The following MIS18BP1 variants were observed in gnomAD, a reference collection of about 807,000 sequenced individuals.
MIS18BP1 encodes the protein mis18-binding protein 1.
In MIS18BP1, 72 loss-of-function variants were observed where a neutral mutation model predicts 116.1. The observed-to-expected ratio is 0.62, with a 90% CI of 0.51 to 0.75. The LOEUF (loss-of-function observed/expected upper bound fraction) is 0.75. Ranked by LOEUF, MIS18BP1 falls within the 30% of genes least tolerant of loss-of-function variation. The probability of loss-of-function intolerance (pLI) is 0.00; values close to 1 mark genes in which losing one functional copy is unlikely to be tolerated. For synonymous variants in MIS18BP1, 386 were observed against 427.0 expected (o/e 0.90, Z 1.18); for missense variants, 1,363 against 1,303.2 (o/e 1.05, Z -0.71).
chr14:45,253,116 C>A lies in MIS18BP1; in HGVS notation c.-173G>T, dbSNP rs1891927798. ...GGAGAGAGGGCCGCACGCCGCCGGG[C>A]TCGCGCCTCAGGCCCACGGTGTATC... On this transcript the variant is annotated 5_prime_UTR_variant, in exon 1 of 17. Transcript: ENST00000310806. The A allele has an allele frequency of 2.0e-5, 3 of 152,342 alleles. No homozygotes were observed. Among genetic ancestry groups the A allele is most frequent in the Admixed American group, 2.0e-4 (3 of 15,290 alleles). 9.4% of individuals were successfully genotyped at this position (152,342 alleles called of 1,614,324 possible). A position where few individuals can be genotyped will look rare whatever the true frequency, so the allele number is the denominator to read the frequency against.
chr14:45,227,586 T>G, intron 9 of MIS18BP1, 77 bp downstream of exon 9: 1 of 1,222,126 alleles, frequency 8.2e-7, no homozygotes, highest in East Asian at 2.5e-5. Flanking sequence ...GTCCCTGATA[T>G]GGTCCCAAAC....
At chr14:45,227,617 C>A in intron 9 of MIS18BP1, 46 bp downstream of exon 9, 1 of 1,532,760 alleles carries the variant, frequency 6.5e-7, no homozygotes. Context: ...GTAAATCACC[C>A]TTCTAAATAT....
At chr14:45,245,788 C>A (rs1191796869) in intron 2 of MIS18BP1, among the ~76,000 whole-genome samples, 1 of 152,162 alleles carries the variant, frequency 6.6e-6, no homozygotes, top group Non-Finnish European at 1.5e-5. Flanking sequence ...TTTAAAATAC[C>A]ATTTAGGTGC....
intron 11 of MIS18BP1, 129 bp downstream of exon 11, chr14:45,223,789 T>C (rs1891040629): frequency 1.5e-6 from 1 of 683,280 alleles, no homozygotes; most frequent in Non-Finnish European, 2.3e-6. Flanking sequence ...CTCCATTCCC[T>C]GTGCAAATTA....
intron 1 of MIS18BP1, 148 bp downstream of exon 1, chr14:45,252,887 G>C (rs997025094): frequency 6.6e-6 from 1 of 152,056 alleles, no homozygotes; most frequent in Non-Finnish European, 1.5e-5. Context: ...AGTAAACATC[G>C]AGTGCGAAGT....
chr14:45,252,469 TA>T (rs1197637707), intron 1 of MIS18BP1, among the ~76,000 whole-genome samples: 1 of 152,222 alleles, frequency 6.6e-6, no homozygotes, highest in Non-Finnish European at 1.5e-5. Context: ...AACCAAATTG[TA>T]AACAGTGTTT....
At chr14:45,205,127 AGAGT>A (rs770983808) in intron 15 of MIS18BP1, among the ~76,000 whole-genome samples, 2 of 152,168 alleles carry the variant, frequency 1.3e-5, no homozygotes, top group African/African-American at 2.4e-5. Flanking sequence ...AGTAGCCCTT[AGAGT>A]AAGTACTGTT....
intron 8 of MIS18BP1, among the ~76,000 whole-genome samples, chr14:45,230,583 G>A (rs763548610): frequency 6.6e-6 from 1 of 152,156 alleles, no homozygotes; most frequent in Non-Finnish European, 1.5e-5. Flanking sequence ...TTGTTTACCA[G>A]TGTTCTTTGG....
chr14:45,214,887 G>C (rs1890773581), intron 13 of MIS18BP1, among the ~76,000 whole-genome samples: 1 of 152,160 alleles, frequency 6.6e-6, no homozygotes, highest in Admixed American at 6.5e-5. Context: ...CAGTAGCTGG[G>C]ATTACAGGTG....
chr14:45,252,527 T>C (rs1891905294), intron 1 of MIS18BP1, among the ~76,000 whole-genome samples: 1 of 152,200 alleles, frequency 6.6e-6, no homozygotes, highest in Admixed American at 6.5e-5. Flanking sequence ...CTTGAACTCC[T>C]GAGCTCAAAA....
intron 4 of MIS18BP1, among the ~76,000 whole-genome samples, chr14:45,239,620 T>G (rs1482722722): frequency 6.6e-6 from 1 of 152,116 alleles, no homozygotes; most frequent in Non-Finnish European, 1.5e-5. Context: ...AGATGACAAG[T>G]TACTGGGGAT....
chr14:45,245,534 T>C (rs1458475609), intron 2 of MIS18BP1, among the ~76,000 whole-genome samples: 2 of 152,110 alleles, frequency 1.3e-5, no homozygotes, highest in East Asian at 3.8e-4. Context: ...CCAGCTAATT[T>C]TGTATTTTTA....
At position 45,244,517 on chromosome 14, in the gene MIS18BP1, T is replaced by C. The variant is rs150808411; in HGVS notation, c.545-1643A>G. Among the ~76,000 whole-genome samples the C allele has an allele frequency of 4.2e-4, 64 of 152,274 alleles. No individual in the cohort carries two copies. In the East Asian group the frequency reaches 0.011, roughly 27 times the overall value. On this transcript the variant is annotated intron_variant, in intron 2 of 16. Transcript: ENST00000310806. ...ACACACACCCTCCTTTGTCCTTCTG[T>C]CACTTCATTCTATTTGGCAAAATTA...
In MIS18BP1 at chr14:45,242,774, G is replaced by A; in HGVS notation, c.645C>T (p.His215=). ...QCQQEKKAPL[H]NLTYELPTLN... is the part of the protein sequence containing the mutation. ...AAAATAGTTTACCGTAAGTTAAATT[G>A]TGCAGTGGTGCTTTCTTTTCCTGCT... The change falls in exon 3 of 17, where the codon CAC becomes CAT. Residue 215 remains histidine, a synonymous_variant. Transcript: ENST00000310806. 9 of 1,608,900 alleles carry A rather than the reference G, an allele frequency of 5.6e-6. No individual in the cohort carries two copies. Among genetic ancestry groups the A allele is most frequent in the Non-Finnish European group, 7.6e-6 (9 of 1,177,460 alleles).
chr14:45,213,645 C>G (rs1010956583), intron 13 of MIS18BP1, among the ~76,000 whole-genome samples: 2 of 152,138 alleles, frequency 1.3e-5, no homozygotes, highest in African/African-American at 4.8e-5. Flanking sequence ...CCCTTCGTAT[C>G]AACAGAACAA....
At chr14:45,226,670 C>T in intron 10 of MIS18BP1, 73 bp downstream of exon 10, 1 of 1,167,548 alleles carries the variant, frequency 8.6e-7, no homozygotes, top group Non-Finnish European at 1.1e-6. Context: ...TACAAGATCA[C>T]TTTTATCATA....
chr14:45,239,345 T>A (rs1566818791), intron 4 of MIS18BP1, among the ~76,000 whole-genome samples: 1 of 152,060 alleles, frequency 6.6e-6, no homozygotes, highest in Admixed American at 6.6e-5. Flanking sequence ...TAAAAGGCAT[T>A]AGATAAATGA....
intron 1 of MIS18BP1, 102 bp from the exon 2 acceptor site, chr14:45,247,479 G>T: frequency 2.2e-6 from 1 of 453,906 alleles, no homozygotes; most frequent in Non-Finnish European, 3.9e-6. Context: ...ATGTTTAACT[G>T]GTTCATAACA....
At chr14:45,221,066 C>T (rs372178948) in intron 11 of MIS18BP1, among the ~76,000 whole-genome samples, 11 of 151,484 alleles carry the variant, frequency 7.3e-5, no homozygotes, top group East Asian at 3.9e-4. Context: ...ACCCAGGAGG[C>T]GGAGGTTGCA....
Sources: gnomAD v4.1 joint callset for allele counts (sites outside exome capture counted in the v4.1 genomes callset) on GRCh38, gnomAD v4.1.1 for gene constraint, MANE v1.5 for transcripts, NCBI Gene and HGNC (gene_info 2026-07-23, HGNC 2026-07-21) for gene names.